Variants in METTL2A observed in about 807,000 individuals in gnomAD.
METTL2A encodes tRNA N(3)-cytidine methyltransferase METTL2A.
In METTL2A, 45 loss-of-function variants were observed where a neutral mutation model predicts 49.4. The observed-to-expected ratio is 0.91, with a 90% CI of 0.72 to 1.17. METTL2A has a LOEUF of 1.17. Among genes scored for constraint, METTL2A ranks in the 50% most tolerant of loss-of-function variants. The pLI is 0.00. For missense variants in METTL2A, 361 were observed against 462.2 expected (o/e 0.78, Z 2.01); for synonymous variants, 118 against 167.5 (o/e 0.70, Z 2.28).
chr17:62,435,410 A>T lies in METTL2A; in HGVS notation c.669+118A>T, dbSNP rs1409060003. On this transcript the variant is annotated intron_variant, in intron 5 of 8. Transcript: ENST00000311506. ...ACAGTCTGTGTTCTTACGGTCTAAA[A>T]GTAAAAGATTTACTGATAACGAGCA... 3 of 1,430,250 alleles carry T rather than the reference A, an allele frequency of 2.1e-6. No individual in the cohort carries two copies. In the African/African-American group the frequency reaches 4.2e-5, roughly 20 times the overall value. The allele number at this position is 1,430,250 out of a possible 1,614,324, so 88.6% of individuals were successfully genotyped here.
At chr17:62,441,295 T>TTG (rs2070737353) in intron 6 of METTL2A, among the ~76,000 whole-genome samples, 1 of 152,336 alleles carries the variant, frequency 6.6e-6, no homozygotes, top group East Asian at 1.9e-4. Flanking sequence ...CATTTCCTTG[T>TTG]TGTGGCTCAA....
Position 62,440,653 on chromosome 17 carries a change from T to G in METTL2A, c.706T>G (p.Phe236Val), listed in dbSNP as rs199819347. 6.2e-7 allele frequency: 1 copy of G among 1,613,732 alleles called. No individual in the cohort carries two copies. The highest frequency in any genetic ancestry group is 8.5e-7 in the Non-Finnish European group (1 of 1,179,928). Residue 236 changes from phenylalanine (F) to valine (V), a missense_variant, in exon 6 of 9, where the codon TTT becomes GTT. Phe to Val is a conservative substitution (Grantham distance 50). Coordinates refer to ENST00000311506, the MANE Select transcript of METTL2A (RefSeq NM_181725.4). ...SEYDPSRCFA[F>V]VHDLCDEEKS... is the part of the protein sequence containing the mutation. ...ATATGATCCTTCTCGGTGTTTTGCCTTTGTTCACGACCTGTGTGATGAAGA... is the reference window on the plus strand; with the variant it reads ...ATATGATCCTTCTCGGTGTTTTGCCGTTGTTCACGACCTGTGTGATGAAGA...
chr17:62,431,604 C>G (rs181703503), intron 4 of METTL2A, among the ~76,000 whole-genome samples: 2 of 152,186 alleles, frequency 1.3e-5, no homozygotes, highest in African/African-American at 4.8e-5. Flanking sequence ...CTGATAAAGC[C>G]TTAGGATCAT....
At chr17:62,445,791 C>G (rs1455965547) in intron 7 of METTL2A, among the ~76,000 whole-genome samples, 1 of 145,594 alleles carries the variant, frequency 6.9e-6, no homozygotes, top group African/African-American at 2.6e-5. Context: ...GTGAAACTGT[C>G]TCAAGAAAAA....
intron 5 of METTL2A, among the ~76,000 whole-genome samples, chr17:62,436,843 A>G (rs2070703493): frequency 6.6e-6 from 1 of 152,182 alleles, no homozygotes; most frequent in African/African-American, 2.4e-5. Flanking sequence ...TGCCCACAGT[A>G]GAGCTTCTTT....
chr17:62,427,217 G>A (rs1199277399), intron 3 of METTL2A, among the ~76,000 whole-genome samples: 3 of 152,146 alleles, frequency 2.0e-5, no homozygotes. Context: ...TCAGCCTTGG[G>A]ATTGAGTCCT....
At chr17:62,441,213 G>A (rs2070736814) in intron 6 of METTL2A, among the ~76,000 whole-genome samples, 2 of 152,228 alleles carry the variant, frequency 1.3e-5, no homozygotes, top group African/African-American at 4.8e-5. Flanking sequence ...GAGCATCTCA[G>A]CCATTTTCCT....
chr17:62,428,980 C>A (rs1286722320), intron 4 of METTL2A, among the ~76,000 whole-genome samples: 6 of 152,092 alleles, frequency 3.9e-5, no homozygotes, highest in Non-Finnish European at 7.4e-5. Flanking sequence ...GAGACAGGGT[C>A]TCACTTTGTT....
In METTL2A at chr17:62,448,703, A is replaced by C. The variant is rs769747230; in HGVS notation, c.1111A>C (p.Lys371Gln). ...YRVWIQCKYC[K>Q]PLLSSTS Reference sequence around the variant, plus strand: ...GGTTTGGATTCAGTGCAAATACTGCAAGCCCCTTCTGTCCAGCACCAGCTG... The same window carrying C: ...GGTTTGGATTCAGTGCAAATACTGCCAGCCCCTTCTGTCCAGCACCAGCTG... The change falls in exon 9 of 9, where the codon AAG (lysine) becomes CAG (glutamine). Residue 371 changes from lysine to glutamine, a missense_variant. Around this residue, in one of 3 missense-constraint regions of METTL2A, gnomAD observed 183 missense variants for 216.5 expected, o/e 0.85. Transcript: ENST00000311506. The C allele has an allele frequency of 4.3e-6, 7 of 1,614,034 alleles. No individual in the cohort carries two copies. In the East Asian group the frequency reaches 1.3e-4, roughly 31 times the overall value.
intron 8 of METTL2A, 104 bp downstream of exon 8, chr17:62,447,870 G>T: frequency 1.9e-6 from 3 of 1,571,596 alleles, no homozygotes; most frequent in South Asian, 1.2e-5. Flanking sequence ...CTGCCTTTTA[G>T]GCAGGCTGTT....
chr17:62,426,871 G>A (rs555794579), intron 3 of METTL2A, among the ~76,000 whole-genome samples: 2 of 152,318 alleles, frequency 1.3e-5, no homozygotes, highest in Admixed American at 6.5e-5. Flanking sequence ...AAGATCACAC[G>A]AGAATAGCAT....
At position 62,451,143 on chromosome 17, in the gene METTL2A, C is replaced by CT. The variant is rs34466579; in HGVS notation, c.*2434dup. Among the ~76,000 whole-genome samples, 276 of 102,056 alleles carry CT rather than the reference C, an allele frequency of 2.7e-3. 4 individuals carry two copies. The highest frequency in any genetic ancestry group is 8.4e-3 in the African/African-American group (259 of 31,010). 67.0% of individuals were successfully genotyped at this position (102,056 alleles called of 152,430 possible). ...GCTGGGTAATGTAGCAAGACCCTGA[C>CT]TTTTTTTTTTTTTTTTTTTTGAGAC... On this transcript the variant is annotated 3_prime_UTR_variant, in exon 9 of 9. Transcript: ENST00000311506.
intron 4 of METTL2A, among the ~76,000 whole-genome samples, chr17:62,430,855 TATTGATTG>T (rs1215930535): frequency 6.6e-6 from 1 of 151,460 alleles, no homozygotes; most frequent in Non-Finnish European, 1.5e-5. Context: ...ATTTTTGTAT[TATTGATTG>T]ATTGATTGAT....
chr17:62,438,545 C>G (rs1253185003), intron 5 of METTL2A, among the ~76,000 whole-genome samples: 1 of 150,554 alleles, frequency 6.6e-6, no homozygotes. Context: ...TCGCACCACT[C>G]CAGCCTGGGC....
At chr17:62,427,663 G>T in intron 3 of METTL2A, 125 bp from the exon 4 acceptor site, 1 of 1,400,130 alleles carries the variant, frequency 7.1e-7, no homozygotes, top group Non-Finnish European at 9.7e-7. Flanking sequence ...GTTTAGCTCT[G>T]GTCACTACAC....
intron 5 of METTL2A, among the ~76,000 whole-genome samples, chr17:62,439,740 T>C (rs2070725642): frequency 6.6e-6 from 1 of 152,118 alleles, no homozygotes; most frequent in Non-Finnish European, 1.5e-5. Context: ...ATTTAAAGTA[T>C]GTGCTGTCTC....
chr17:62,429,893 A>G (rs1049541018), intron 4 of METTL2A, among the ~76,000 whole-genome samples: 4 of 151,906 alleles, frequency 2.6e-5, no homozygotes, highest in African/African-American at 4.8e-5. Flanking sequence ...CTGGTCTCGA[A>G]CTCCTGACCT....
Position 62,449,593 on chromosome 17 carries a change from C to T in METTL2A, c.*864C>T, listed in dbSNP as rs2070792499. On this transcript the variant is annotated 3_prime_UTR_variant, in exon 9 of 9. Transcript: ENST00000311506. ...GAGTGTGTTGGTGGGTGCCTGTAAT[C>T]CAGCTACTTGGGAGACTGAGGCAGG... The T allele has an allele frequency of 3.3e-6, 1 of 304,528 alleles. No individual in the cohort carries two copies. The highest frequency in any genetic ancestry group is 2.3e-5 in the African/African-American group (1 of 42,812). The allele number at this position is 304,528 out of a possible 1,614,324, so 18.9% of individuals were successfully genotyped here.
rs2070795900 is a variant in METTL2A, at chr17:62,450,070, G to A, written c.*1341G>A. On this transcript the variant is annotated 3_prime_UTR_variant, in exon 9 of 9. Coordinates refer to ENST00000311506, the MANE Select transcript of METTL2A (RefSeq NM_181725.4). ...GATCATGTCACTGCATTCCAGCCTG[G>A]GCAACAGAGGAAGACTCCGTCTCAA... 1.3e-5 allele frequency: 2 copies of A among 151,678 alleles called. No homozygotes were observed. The highest frequency in any genetic ancestry group is 6.6e-5 in the Admixed American group (1 of 15,180). 9.4% of individuals were successfully genotyped at this position (151,678 alleles called of 1,614,324 possible). A position where few individuals can be genotyped will look rare whatever the true frequency, so the allele number is the denominator to read the frequency against.
Sources: gnomAD v4.1 joint callset for allele counts (sites outside exome capture counted in the v4.1 genomes callset) on GRCh38, gnomAD v4.1.1 for gene constraint, gnomAD v4.1.1 regional missense constraint, MANE v1.5 for transcripts, NCBI Gene and HGNC (gene_info 2026-07-23, HGNC 2026-07-21) for gene names.